The following UTRN variants were observed in gnomAD, a reference collection of about 807,000 sequenced individuals.
UTRN encodes dystrophin-related protein 1.
Under a neutral mutation model 463.9 loss-of-function variants are expected in UTRN, and 283 were observed. The observed-to-expected ratio is 0.61, with a 90% CI of 0.55 to 0.67. The LOEUF (loss-of-function observed/expected upper bound fraction) is 0.67, where lower values mean the gene tolerates loss of function less well. Ranked by LOEUF, UTRN falls within the 30% of genes least tolerant of loss-of-function variation. The probability of loss-of-function intolerance (pLI) is 0.00; values close to 1 mark genes in which losing one functional copy is unlikely to be tolerated. For synonymous variants in UTRN, 1,442 were observed against 1,431.5 expected (o/e 1.01, Z -0.17); for missense variants, 3,922 against 4,084.3 (o/e 0.96, Z 1.08).
chr6:144,497,270 T>A (rs544023295), intron 33 of UTRN, among the ~76,000 whole-genome samples: 12 of 151,992 alleles, frequency 7.9e-5, no homozygotes, highest in African/African-American at 2.9e-4. Flanking sequence ...ATTTCAGACA[T>A]ATGTAGGAAG....
rs1404884076 is a variant in UTRN, at chr6:144,852,074, T to G, written c.*1077T>G. 1.3e-5 allele frequency: 2 copies of G among 152,208 alleles called. No individual in the cohort carries two copies. 9.4% of individuals were successfully genotyped at this position (152,208 alleles called of 1,614,324 possible). On this transcript the variant is annotated 3_prime_UTR_variant, in exon 75 of 75. Coordinates refer to ENST00000367545, the MANE Select transcript of UTRN (RefSeq NM_007124.3). ...AATAGTTCTTGAAACTCCTAGTTGT[T>G]TTCTTGTTGAAAGCAGACACACATT...
chr6:144,317,876 T>C (rs1775383844), intron 2 of UTRN, among the ~76,000 whole-genome samples: 1 of 152,242 alleles, frequency 6.6e-6, no homozygotes, highest in Non-Finnish European at 1.5e-5. Flanking sequence ...ATTTCTGCTC[T>C]CACAGTCAGT....
chr6:144,750,360 C>T (rs1791258669), intron 55 of UTRN, among the ~76,000 whole-genome samples: 1 of 152,132 alleles, frequency 6.6e-6, no homozygotes, highest in Admixed American at 6.6e-5. Context: ...TCTTCTTCTC[C>T]TTCCATACTG....
intron 51 of UTRN, among the ~76,000 whole-genome samples, chr6:144,622,184 G>GTTTTTTTTTTTTTTTTT (rs1199579909): frequency 1.1e-5 from 1 of 88,212 alleles, no homozygotes; most frequent in African/African-American, 4.3e-5. Context: ...TTTTTTTGTT[G>GTTTTTTTTTTTTTTTTT]TTTTTTTTTT....
At chr6:144,367,210 C>T (rs1779590152) in intron 2 of UTRN, among the ~76,000 whole-genome samples, 1 of 151,982 alleles carries the variant, frequency 6.6e-6, no homozygotes, top group South Asian at 2.1e-4. Flanking sequence ...GTCTTGAACT[C>T]CTGACCTCAA....
chr6:144,812,912 C>T (rs148251287), intron 65 of UTRN, among the ~76,000 whole-genome samples: 275 of 152,140 alleles, frequency 1.8e-3, no homozygotes, highest in African/African-American at 6.2e-3. Flanking sequence ...CATTGTTTTA[C>T]GGCTACTTAA....
At chr6:144,585,071 G>C (rs1390559046) in intron 51 of UTRN, among the ~76,000 whole-genome samples, 2 of 151,884 alleles carry the variant, frequency 1.3e-5, no homozygotes, top group Non-Finnish European at 2.9e-5. Context: ...TAAAGTCGAA[G>C]GTATTAAGTT....
At chr6:144,686,061 G>A (rs1015375326) in intron 52 of UTRN, among the ~76,000 whole-genome samples, 2 of 152,102 alleles carry the variant, frequency 1.3e-5, no homozygotes, top group Non-Finnish European at 2.9e-5. Flanking sequence ...TCCATGTTGA[G>A]TTGATTTTTG....
At chr6:144,626,719 A>T (rs1210798809) in intron 51 of UTRN, among the ~76,000 whole-genome samples, 1 of 152,062 alleles carries the variant, frequency 6.6e-6, no homozygotes, top group Non-Finnish European at 1.5e-5. Context: ...GGCTCGCTGC[A>T]ACCTCTGCCT....
At chr6:144,597,235 CAAA>C (rs67471247) in intron 51 of UTRN, among the ~76,000 whole-genome samples, 7 of 85,734 alleles carry the variant, frequency 8.2e-5, no homozygotes, top group Admixed American at 2.5e-4. Flanking sequence ...GAGACTGTCT[CAAA>C]AAAAAAAAAA....
At chr6:144,729,127 T>C (rs2128713475) in intron 53 of UTRN, among the ~76,000 whole-genome samples, 1 of 152,318 alleles carries the variant, frequency 6.6e-6, no homozygotes, top group East Asian at 1.9e-4. Context: ...CTTGATTTAC[T>C]GCTAAATCCT....
At chr6:144,629,689 T>C (rs150171601) in intron 51 of UTRN, among the ~76,000 whole-genome samples, 27 of 152,346 alleles carry the variant, frequency 1.8e-4, no homozygotes, top group African/African-American at 6.3e-4. Flanking sequence ...AATGTAGATG[T>C]TGTCATGTAA....
At chr6:144,818,081 A>C (rs1046978812) in intron 65 of UTRN, among the ~76,000 whole-genome samples, 8 of 152,146 alleles carry the variant, frequency 5.3e-5, no homozygotes, top group Admixed American at 1.3e-4. Flanking sequence ...ACTTTTGAAT[A>C]ATTTGTCATT....
At chr6:144,496,403 T>A (rs946501277) in intron 33 of UTRN, among the ~76,000 whole-genome samples, 4 of 152,236 alleles carry the variant, frequency 2.6e-5, no homozygotes, top group Non-Finnish European at 5.9e-5. Context: ...GTATTACATG[T>A]CTGGAACACA....
intron 2 of UTRN, among the ~76,000 whole-genome samples, chr6:144,350,377 A>G (rs1454851035): frequency 2.6e-5 from 4 of 152,208 alleles, no homozygotes; most frequent in African/African-American, 4.8e-5. Flanking sequence ...GTTTTCTATG[A>G]ATGTAAAAAT....
At chr6:144,556,287 C>T (rs1349021763) in intron 49 of UTRN, among the ~76,000 whole-genome samples, 1 of 152,112 alleles carries the variant, frequency 6.6e-6, no homozygotes, top group African/African-American at 2.4e-5. Context: ...GTTTTAAAAG[C>T]AAGTGGCCAG....
chr6:144,741,116 C>T (rs1369953089), intron 54 of UTRN, among the ~76,000 whole-genome samples: 2 of 152,192 alleles, frequency 1.3e-5, no homozygotes, highest in Non-Finnish European at 2.9e-5. Context: ...GAGGTTTTGC[C>T]ATTTTTTAAG....
Position 144,537,636 on chromosome 6 carries a change from T to G in UTRN, c.6288T>G (p.Ile2096Met). Residue 2096 changes from isoleucine to methionine, a missense_variant, in exon 44 of 75, where the codon ATT becomes ATG. Around this residue, in one of 3 missense-constraint regions of UTRN, gnomAD observed 2,349 missense variants for 2,303.8 expected, o/e 1.02. Coordinates refer to ENST00000367545, the MANE Select transcript of UTRN (RefSeq NM_007124.3). ...AGTACAGGCATCAGCTAGATGAGAT[T>G]ATCTGTTGGTTAACAAAGGCTGAGC... ...VMKYRHQLDE[I>M]ICWLTKAEHA... 6.2e-7 allele frequency: 1 copy of G among 1,612,818 alleles called. No homozygotes were observed. Among genetic ancestry groups the G allele is most frequent in the Non-Finnish European group, 8.5e-7 (1 of 1,179,536 alleles).
chr6:144,466,393 T>A (rs1413602743), intron 23 of UTRN, among the ~76,000 whole-genome samples: 1 of 152,246 alleles, frequency 6.6e-6, no homozygotes, highest in Non-Finnish European at 1.5e-5. Context: ...ATTTCCTTTG[T>A]CTCCATAGCT....
Sources: allele counts gnomAD v4.1 joint callset (sites outside exome capture counted in the v4.1 genomes callset), GRCh38; gene constraint gnomAD v4.1.1; regional missense constraint gnomAD v4.1.1; transcripts MANE v1.5; gene names NCBI Gene and HGNC (gene_info 2026-07-23, HGNC 2026-07-21).